CSNK1G1: variants seen among roughly 807,000 people sequenced by gnomAD.
The protein encoded by CSNK1G1 is casein kinase I isoform gamma-1.
CSNK1G1 carries 22 observed loss-of-function variants against 59.6 expected under a neutral mutation model. The ratio of observed to expected loss-of-function variants is 0.37; its 90% CI spans 0.26 to 0.53. The LOEUF (loss-of-function observed/expected upper bound fraction) is 0.53. Ranked by LOEUF, CSNK1G1 falls within the 20% of genes least tolerant of loss-of-function variation. The probability of loss-of-function intolerance (pLI) is 0.89; values close to 1 mark genes in which losing one functional copy is unlikely to be tolerated. For synonymous variants in CSNK1G1, 179 were observed against 177.1 expected (o/e 1.01, Z -0.08); for missense variants, 384 against 519.5 (o/e 0.74, Z 2.54).
intron 1 of CSNK1G1, among the ~76,000 whole-genome samples, chr15:64,347,401 C>T (rs143428697): frequency 6.6e-6 from 1 of 152,044 alleles, no homozygotes; most frequent in East Asian, 1.9e-4. Flanking sequence ...ACAAAGATGT[C>T]CTTCAAATGG....
At chr15:64,239,499 A>G (rs2082666035) in intron 4 of CSNK1G1, among the ~76,000 whole-genome samples, 1 of 151,960 alleles carries the variant, frequency 6.6e-6, no homozygotes, top group Admixed American at 6.6e-5. Context: ...CCTCAGCCCC[A>G]CAAGTAGCTG....
At chr15:64,204,620 A>C (rs2082153196) in intron 8 of CSNK1G1, 31 bp from the exon 9 acceptor site, 1 of 1,605,484 alleles carries the variant, frequency 6.2e-7, no homozygotes, top group African/African-American at 1.3e-5. Flanking sequence ...GGCCCTGCTC[A>C]TTAGCTGAAT....
chr15:64,314,840 G>C (rs1896186600), intron 1 of CSNK1G1, among the ~76,000 whole-genome samples: 1 of 152,174 alleles, frequency 6.6e-6, no homozygotes, highest in Non-Finnish European at 1.5e-5. Context: ...ATGTATATGT[G>C]TGTGCGTGTG....
intron 2 of CSNK1G1, among the ~76,000 whole-genome samples, chr15:64,275,136 G>A (rs1353929099): frequency 6.6e-6 from 1 of 152,146 alleles, no homozygotes; most frequent in Non-Finnish European, 1.5e-5. Context: ...CTGCCTCCCA[G>A]GTTCAAGCAA....
At chr15:64,348,162 T>C (rs1261262878) in intron 1 of CSNK1G1, among the ~76,000 whole-genome samples, 2 of 152,112 alleles carry the variant, frequency 1.3e-5, no homozygotes, top group Non-Finnish European at 2.9e-5. Context: ...TGCCAGTAAT[T>C]CAGGCAGGAG....
intron 2 of CSNK1G1, 33 bp downstream of exon 2, chr15:64,300,286 T>C (rs768640714): frequency 1.4e-5 from 22 of 1,594,680 alleles, no homozygotes; most frequent in Non-Finnish European, 1.8e-5. Flanking sequence ...GTATTGTTGT[T>C]AGTAGAAGTC....
At chr15:64,316,535 CAAAAAAAA>C (rs66620488) in intron 1 of CSNK1G1, among the ~76,000 whole-genome samples, 1 of 94,102 alleles carries the variant, frequency 1.1e-5, no homozygotes, top group African/African-American at 3.8e-5. Flanking sequence ...GACTCTGTCT[CAAAAAAAA>C]AAAAAAAAAA....
At chr15:64,344,537 A>G (rs1451249275) in intron 1 of CSNK1G1, among the ~76,000 whole-genome samples, 2 of 152,214 alleles carry the variant, frequency 1.3e-5, no homozygotes, top group Non-Finnish European at 2.9e-5. Flanking sequence ...AACGTGAAAC[A>G]TAACAAATTT....
chr15:64,196,878 T>C (rs2082045609), intron 10 of CSNK1G1, among the ~76,000 whole-genome samples: 1 of 151,742 alleles, frequency 6.6e-6, no homozygotes, highest in African/African-American at 2.4e-5. Flanking sequence ...TGGCTCTTTG[T>C]GGAAACAAAA....
At chr15:64,211,387 ACTTT>A (rs2082247293) in intron 6 of CSNK1G1, among the ~76,000 whole-genome samples, 1 of 152,206 alleles carries the variant, frequency 6.6e-6, no homozygotes, top group African/African-American at 2.4e-5. Flanking sequence ...AGCAGTGACA[ACTTT>A]CTTTATGTAT....
intron 2 of CSNK1G1, among the ~76,000 whole-genome samples, chr15:64,259,673 T>C (rs1892591579): frequency 6.6e-6 from 1 of 152,194 alleles, no homozygotes; most frequent in African/African-American, 2.4e-5. Flanking sequence ...ATATATTTTG[T>C]CATGGTATTT....
chr15:64,289,120 C>T (rs1325528148), intron 2 of CSNK1G1, among the ~76,000 whole-genome samples: 1 of 150,678 alleles, frequency 6.6e-6, no homozygotes, highest in East Asian at 1.9e-4. Flanking sequence ...ATGAAGGCTG[C>T]AGCGAGCCGA....
intron 11 of CSNK1G1, among the ~76,000 whole-genome samples, chr15:64,175,364 T>A (rs77142025): frequency 0.051 from 7,749 of 152,080 alleles, 203 homozygotes; most frequent in South Asian, 0.078. Context: ...GTTACCTCCA[T>A]ATAGAGCATG....
chr15:64,321,593 A>C lies in CSNK1G1; in HGVS notation c.-224-20870T>G, dbSNP rs116710958. ...TAAAGCATTTCTATGACAGTTTTAT[A>C]ATATAAAGAGAAATGGCCATAATAT... On this transcript the variant is annotated intron_variant, in intron 1 of 11. Coordinates refer to ENST00000303052, the MANE Select transcript of CSNK1G1 (RefSeq NM_022048.5). 1.5e-3 allele frequency among the ~76,000 whole-genome samples: 225 copies of C among 152,306 alleles called. 1 individual carries two copies. The highest frequency in any genetic ancestry group is 5.3e-3 in the African/African-American group (219 of 41,572).
At chr15:64,340,719 C>T (rs1333500377) in intron 1 of CSNK1G1, among the ~76,000 whole-genome samples, 3 of 152,046 alleles carry the variant, frequency 2.0e-5, no homozygotes, top group South Asian at 2.1e-4. Flanking sequence ...TTTGGGGGGC[C>T]GAGGCCAGAG....
At chr15:64,294,722 C>T (rs1894920894) in intron 2 of CSNK1G1, among the ~76,000 whole-genome samples, 1 of 150,212 alleles carries the variant, frequency 6.7e-6, no homozygotes, top group South Asian at 2.1e-4. Context: ...ACCAGCCTGG[C>T]CAACATGGTG....
chr15:64,215,204 C>CTTTTTT (rs11343127), intron 5 of CSNK1G1, among the ~76,000 whole-genome samples: 1 of 81,728 alleles, frequency 1.2e-5, no homozygotes, highest in Non-Finnish European at 2.1e-5. Context: ...TTTCTACTAA[C>CTTTTTT]TTTTTTTTTT....
rs1361440285 is a variant in CSNK1G1, at chr15:64,214,151, A to T, written c.445-27T>A. ...TGAAAGAGAAACAAATGATAGAAAGACTGTAAAGAAGTATATCAGGAAAAT... is the reference window on the plus strand; with the variant it reads ...TGAAAGAGAAACAAATGATAGAAAGTCTGTAAAGAAGTATATCAGGAAAAT... On this transcript the variant is annotated intron_variant, in intron 5 of 11. Coordinates refer to ENST00000303052, the MANE Select transcript of CSNK1G1 (RefSeq NM_022048.5). This position sits in a 1 kb window ranked among gnomAD's most constrained non-coding sequence, Gnocchi z 4.3. 6.7e-7 allele frequency: 1 copy of T among 1,495,386 alleles called. No individual in the cohort carries two copies. Among genetic ancestry groups the T allele is most frequent in the South Asian group, 1.1e-5 (1 of 88,534 alleles). 92.6% of individuals were successfully genotyped at this position (1,495,386 alleles called of 1,614,324 possible).
At chr15:64,245,250 G>A (rs1331128645) in intron 4 of CSNK1G1, among the ~76,000 whole-genome samples, 1 of 152,040 alleles carries the variant, frequency 6.6e-6, no homozygotes. Flanking sequence ...ATAAACAAAT[G>A]GAATTTCAGC....
Sources: allele counts gnomAD v4.1 joint callset (sites outside exome capture counted in the v4.1 genomes callset), GRCh38; gene constraint gnomAD v4.1.1; non-coding constraint Gnocchi (gnomAD v3.1); transcripts MANE v1.5; gene names NCBI Gene and HGNC (gene_info 2026-07-23, HGNC 2026-07-21).